CSMD1: variants seen among roughly 807,000 people sequenced by gnomAD.
CSMD1 encodes the protein CUB and Sushi multiple domains 1.
A neutral mutation model predicts 417.5 loss-of-function variants in CSMD1; 213 were observed. The ratio of observed to expected loss-of-function variants is 0.51; its 90% CI spans 0.46 to 0.57. The LOEUF is 0.57. CSMD1 is among the 20% of genes least tolerant of loss of function. The pLI is 0.00. For synonymous variants in CSMD1, 2,862 were observed against 1,736.8 expected (o/e 1.65, Z -16.11); for missense variants, 6,923 against 4,529.7 (o/e 1.53, Z -15.17).
chr8:3,164,459 G>C (rs747207635), intron 37 of CSMD1, among the ~76,000 whole-genome samples: 8 of 152,060 alleles, frequency 5.3e-5, no homozygotes, highest in Admixed American at 6.6e-5. Context: ...CAATCACTTA[G>C]GCCTTTAACT....
At chr8:4,758,227 T>G (rs1676956) in intron 1 of CSMD1, among the ~76,000 whole-genome samples, 1 of 152,176 alleles carries the variant, frequency 6.6e-6, no homozygotes, top group African/African-American at 2.4e-5. Flanking sequence ...TGTCTTTATC[T>G]GGGTAAGGAG....
chr8:4,921,262 T>C (rs878903281), intron 1 of CSMD1, among the ~76,000 whole-genome samples: 1 of 152,198 alleles, frequency 6.6e-6, no homozygotes, highest in Non-Finnish European at 1.5e-5. Flanking sequence ...GCAACATTTA[T>C]TGTCAGCCAA....
chr8:3,850,766 C>A (rs1803847670), intron 5 of CSMD1, among the ~76,000 whole-genome samples: 1 of 151,982 alleles, frequency 6.6e-6, no homozygotes, highest in South Asian at 2.1e-4. Flanking sequence ...ATACACATCA[C>A]AGGGGTGTGC....
intron 2 of CSMD1, among the ~76,000 whole-genome samples, chr8:4,598,085 A>C (rs1800379262): frequency 6.6e-6 from 1 of 152,164 alleles, no homozygotes; most frequent in Non-Finnish European, 1.5e-5. Context: ...ACAGAAAATA[A>C]AAAGCTAGAA....
chr8:4,189,697 G>C (rs75235052), intron 3 of CSMD1, among the ~76,000 whole-genome samples: 7 of 151,914 alleles, frequency 4.6e-5, no homozygotes, highest in Non-Finnish European at 1.0e-4. Context: ...AGAGTGTTGA[G>C]AATTAATTTT....
rs549984414 is a variant in CSMD1 at position 4,885,356 on chromosome 8, C to T, written c.85+108976G>A. 7.9e-5 allele frequency among the ~76,000 whole-genome samples: 12 copies of T among 152,122 alleles called. No individual in the cohort carries two copies. The South Asian group carries it at 2.5e-3, about 32-fold the overall frequency. The stretch of plus-strand genomic sequence containing the variant: ...TTCTTGCCTAATATGCTTTCTAAAA[C>T]CTCTAGCACAATGTTGAACAGAAGT... On this transcript the variant is annotated intron_variant, in intron 1 of 69. Coordinates refer to ENST00000635120, the MANE Select transcript of CSMD1 (RefSeq NM_033225.6).
In CSMD1 at chr8:4,075,266, T is replaced by C. The variant is rs1563089934; in HGVS notation, c.416-43167A>G. On this transcript the variant is annotated intron_variant, in intron 3 of 69. Transcript: ENST00000635120. ...GGATAATCTAAAAAACAAAGTATTA[T>C]AAAATAAAGATGAATTGTTGATATA... is the stretch of plus-strand genomic sequence containing the variant. 2.0e-5 allele frequency among the ~76,000 whole-genome samples: 3 copies of C among 152,112 alleles called. No individual in the cohort carries two copies. In the South Asian group the frequency reaches 6.2e-4, roughly 32 times the overall value.
At chr8:4,819,745 G>C (rs543826084) in intron 1 of CSMD1, among the ~76,000 whole-genome samples, 1 of 152,076 alleles carries the variant, frequency 6.6e-6, no homozygotes, top group Admixed American at 6.5e-5. Flanking sequence ...AAATGCTCAT[G>C]TAGAGAGGGA....
intron 3 of CSMD1, among the ~76,000 whole-genome samples, chr8:4,041,100 T>C (rs1797868168): frequency 7.0e-6 from 1 of 142,586 alleles, no homozygotes; most frequent in Admixed American, 7.4e-5. Flanking sequence ...CACTGCAAGC[T>C]CCGCCTCCCG....
At chr8:4,078,145 G>A (rs1192892979) in intron 3 of CSMD1, among the ~76,000 whole-genome samples, 2 of 151,996 alleles carry the variant, frequency 1.3e-5, no homozygotes, top group Admixed American at 1.3e-4. Flanking sequence ...TTTAAAATCA[G>A]CTTACAAATT....
rs1804990512 is a variant in CSMD1 at position 3,307,731 on chromosome 8, G to A, written c.3914C>T (p.Thr1305Ile). Residue 1305 changes from threonine to isoleucine, a missense_variant, in exon 25 of 70, where the codon ACC (threonine) becomes ATC (isoleucine). By Grantham distance (89) the Thr-to-Ile change is moderately conservative. Coordinates refer to ENST00000635120, the MANE Select transcript of CSMD1 (RefSeq NM_033225.6). The part of the protein sequence containing the change: ...PAPYDNNLHC[T>I]WIIEADPGKT... ...TCCTGGGTCTGCCTCTATAATCCAG[G>A]TGCAGTGGAGGTTGTTGTCATACGG... 1.2e-6 allele frequency: 2 copies of A among 1,613,688 alleles called. No homozygotes were observed. Among genetic ancestry groups the A allele is most frequent in the East Asian group, 2.2e-5 (1 of 44,850 alleles).
chr8:2,983,375 A>G (rs149454509), intron 54 of CSMD1, among the ~76,000 whole-genome samples: 1,680 of 152,062 alleles, frequency 0.011, 45 homozygotes, highest in African/African-American at 0.038. Context: ...TTTAGTAGAG[A>G]CAGAGTTTCA....
chr8:4,440,458 T>C (rs983566637), intron 2 of CSMD1, among the ~76,000 whole-genome samples: 1 of 152,202 alleles, frequency 6.6e-6, no homozygotes, highest in Non-Finnish European at 1.5e-5. Flanking sequence ...GTTCATCTTG[T>C]TACTCACAAA....
intron 5 of CSMD1, among the ~76,000 whole-genome samples, chr8:3,961,682 A>C (rs1192935707): frequency 1.3e-5 from 2 of 152,320 alleles, no homozygotes; most frequent in East Asian, 3.9e-4. Flanking sequence ...GTGAAAGCAA[A>C]CTTCAAAAAA....
intron 1 of CSMD1, among the ~76,000 whole-genome samples, chr8:4,865,969 A>C (rs1340646522): frequency 2.0e-5 from 3 of 151,974 alleles, no homozygotes; most frequent in Non-Finnish European, 4.4e-5. Context: ...ATATTTACAC[A>C]GGAAGTCCTT....
chr8:3,541,270 G>A (rs1412489407), intron 10 of CSMD1, among the ~76,000 whole-genome samples: 1 of 152,156 alleles, frequency 6.6e-6, no homozygotes, highest in South Asian at 2.1e-4. Context: ...TCAAAGTAAT[G>A]CAGGAACAGA....
At chr8:4,605,710 A>C (rs982106964) in intron 2 of CSMD1, among the ~76,000 whole-genome samples, 4 of 152,140 alleles carry the variant, frequency 2.6e-5, no homozygotes, top group Middle Eastern at 3.2e-3. Context: ...GCATAAAAAG[A>C]ATGGTTGTCT....
In CSMD1 at chr8:4,940,082, G is replaced by T. The variant is rs897592958; in HGVS notation, c.85+54250C>A. Among the ~76,000 whole-genome samples, 8 of 152,264 alleles carry T rather than the reference G, an allele frequency of 5.3e-5. 1 individual carries two copies. The highest frequency in any genetic ancestry group is 5.2e-4 in the Admixed American group (8 of 15,296). ...TGAGGTAGGAGAACCGGGCAGAAAA[G>T]TTGCATGTGAACTACCGGGGGCTGC... On this transcript the variant is annotated intron_variant, in intron 1 of 69. Coordinates refer to ENST00000635120, the MANE Select transcript of CSMD1 (RefSeq NM_033225.6).
At chr8:3,824,838 A>G (rs988901772) in intron 5 of CSMD1, among the ~76,000 whole-genome samples, 2 of 152,176 alleles carry the variant, frequency 1.3e-5, no homozygotes, top group African/African-American at 4.8e-5. Flanking sequence ...GGATTTCAAT[A>G]AAATGACACA....
Sources: allele counts gnomAD v4.1 joint callset (sites outside exome capture counted in the v4.1 genomes callset), GRCh38; gene constraint gnomAD v4.1.1; transcripts MANE v1.5; gene names NCBI Gene and HGNC (gene_info 2026-07-23, HGNC 2026-07-21).